PDE3A: variants seen among roughly 807,000 people sequenced by gnomAD.
PDE3A encodes the protein phosphodiesterase 3A, also known as cGMP-inhibited 3',5'-cyclic phosphodiesterase 3A.
In PDE3A, 43 loss-of-function variants were observed where a neutral mutation model predicts 98.3. The observed-to-expected ratio is 0.44, with a 90% CI of 0.34 to 0.56. PDE3A has a LOEUF of 0.56. Ranked by LOEUF, PDE3A falls within the 20% of genes least tolerant of loss-of-function variation. PDE3A has a pLI of 0.01. For synonymous variants in PDE3A, 663 were observed against 567.9 expected (o/e 1.17, Z -2.38); for missense variants, 1,427 against 1,440.7 (o/e 0.99, Z 0.15).
chr12:20,526,975 A>G (rs371111360), intron 1 of PDE3A, among the ~76,000 whole-genome samples: 3 of 147,952 alleles, frequency 2.0e-5, no homozygotes, highest in East Asian at 2.0e-4. Flanking sequence ...CTGGAGTGCA[A>G]TGGCGCGATC....
intron 1 of PDE3A, among the ~76,000 whole-genome samples, chr12:20,377,344 A>G (rs908623371): frequency 5.9e-5 from 9 of 151,858 alleles, no homozygotes; most frequent in Admixed American, 2.6e-4. Context: ...GCTTTATTTA[A>G]CCCAGCATAG....
intron 1 of PDE3A, among the ~76,000 whole-genome samples, chr12:20,402,121 A>C (rs189983233): frequency 6.6e-6 from 1 of 152,126 alleles, no homozygotes; most frequent in Non-Finnish European, 1.5e-5. Flanking sequence ...AACAGTAGGG[A>C]GCTAACAAGA....
rs1283706659 is a variant in PDE3A at position 20,687,730 on chromosome 12, TAA to T, written c.*7463_*7464del. Among the ~76,000 whole-genome samples, 3 of 151,836 alleles carry T rather than the reference TAA, an allele frequency of 2.0e-5. No homozygotes were observed. Among genetic ancestry groups the T allele is most frequent in the African/African-American group, 4.8e-5 (2 of 41,362 alleles). On this transcript the variant is annotated 3_prime_UTR_variant, in exon 16 of 16. Transcript: ENST00000359062. ...TTTGAAAGCTCTCAATGCAAAATAATAAAAATGAGATTCTCCCTGGCTTTCTA... is the reference window on the plus strand; with the variant it reads ...TTTGAAAGCTCTCAATGCAAAATAATAAATGAGATTCTCCCTGGCTTTCTA...
At chr12:20,604,534 C>G (rs1254357816) in intron 2 of PDE3A, among the ~76,000 whole-genome samples, 1 of 152,062 alleles carries the variant, frequency 6.6e-6, no homozygotes, top group East Asian at 1.9e-4. Context: ...CTTTCTAGCT[C>G]TTGTTCCAGG....
At chr12:20,581,546 A>T (rs1420379913) in intron 2 of PDE3A, among the ~76,000 whole-genome samples, 2 of 151,698 alleles carry the variant, frequency 1.3e-5, no homozygotes, top group African/African-American at 2.4e-5. Context: ...AACATTATAG[A>T]CGTTACGACT....
chr12:20,646,920 T>C lies in PDE3A; in HGVS notation c.2535T>C (p.Asn845=). 1 of 1,613,454 alleles carries C rather than the reference T, an allele frequency of 6.2e-7. No homozygotes were observed. The highest frequency in any genetic ancestry group is 1.1e-5 in the South Asian group (1 of 91,068). The change falls in exon 12 of 16, where the codon AAT becomes AAC. Residue 845 remains asparagine (N), a synonymous_variant. Transcript: ENST00000359062. ...ATTATGATCATCCAGGAAGGACTAA[T>C]GCTTTCCTGGTTGCAACTAGTGCTC... ...MHDYDHPGRT[N]AFLVATSAPQ...
chr12:20,465,676 T>C (rs1412562117), intron 1 of PDE3A, among the ~76,000 whole-genome samples: 1 of 152,278 alleles, frequency 6.6e-6, no homozygotes, highest in East Asian at 1.9e-4. Flanking sequence ...CCCAAAGTAC[T>C]GGGATTACAG....
intron 14 of PDE3A, among the ~76,000 whole-genome samples, chr12:20,653,597 T>C (rs1029536756): frequency 6.6e-6 from 1 of 152,106 alleles, no homozygotes; most frequent in Admixed American, 6.5e-5. Context: ...TTGCCCACTT[T>C]GGCATCCCAA....
chr12:20,628,157 CAAATA>C (rs1259000161), intron 5 of PDE3A, among the ~76,000 whole-genome samples: 2 of 152,092 alleles, frequency 1.3e-5, no homozygotes, highest in East Asian at 3.9e-4. Context: ...CTAGAGTTTC[CAAATA>C]AAATATTTCC....
rs1288237489 is a variant in PDE3A at position 20,629,843 on chromosome 12, TCAACAGTTG to T, written c.1541-61_1541-53del. ...GAGTTTGTAAGAGTCCAGGTGAAGT[TCAACAGTTG>T]CAATTTTGCATTTTAAAGACATTTG... On this transcript the variant is annotated intron_variant, in intron 5 of 15. Coordinates refer to ENST00000359062, the MANE Select transcript of PDE3A (RefSeq NM_000921.5). 6.4e-6 allele frequency: 8 copies of T among 1,253,510 alleles called. No homozygotes were observed. The African/African-American group carries it at 1.2e-4, about 19-fold the overall frequency. 77.6% of individuals were successfully genotyped at this position (1,253,510 alleles called of 1,614,324 possible). A position where few individuals can be genotyped will look rare whatever the true frequency, so the allele number is the denominator to read the frequency against.
intron 1 of PDE3A, among the ~76,000 whole-genome samples, chr12:20,458,925 T>G (rs2120917991): frequency 6.6e-6 from 1 of 152,236 alleles, no homozygotes; most frequent in Non-Finnish European, 1.5e-5. Flanking sequence ...ATGCTTATAG[T>G]TAAACCTTAA....
At chr12:20,537,706 C>T (rs1049834121) in intron 1 of PDE3A, among the ~76,000 whole-genome samples, 29 of 152,088 alleles carry the variant, frequency 1.9e-4, no homozygotes, top group East Asian at 3.9e-4. Context: ...ATGTCTAGCC[C>T]AGCATTTCCA....
chr12:20,597,975 T>C (rs1383572453), intron 2 of PDE3A, among the ~76,000 whole-genome samples: 1 of 152,182 alleles, frequency 6.6e-6, no homozygotes, highest in Non-Finnish European at 1.5e-5. Flanking sequence ...ATCATACTTA[T>C]GTTTTTTTTG....
chr12:20,505,555 C>A (rs1946102512), intron 1 of PDE3A, among the ~76,000 whole-genome samples: 1 of 152,008 alleles, frequency 6.6e-6, no homozygotes, highest in African/African-American at 2.4e-5. Context: ...TTGCACATTA[C>A]TGAAAAGAAC....
chr12:20,679,074 G>T (rs1022306695), intron 15 of PDE3A, among the ~76,000 whole-genome samples: 1 of 152,164 alleles, frequency 6.6e-6, no homozygotes, highest in African/African-American at 2.4e-5. Context: ...GAAGAATTCA[G>T]TGAAATCTGA....
chr12:20,528,959 GT>G (rs201902454), intron 1 of PDE3A, among the ~76,000 whole-genome samples: 1,766 of 152,118 alleles, frequency 0.012, 11 homozygotes, highest in Non-Finnish European at 0.018. Flanking sequence ...TTTTTTCCTG[GT>G]TTTTAGGTTT....
intron 2 of PDE3A, among the ~76,000 whole-genome samples, chr12:20,579,988 GA>G (rs1565437062): frequency 1.3e-5 from 2 of 151,936 alleles, no homozygotes; most frequent in East Asian, 1.9e-4. Context: ...AAAACTTTAG[GA>G]AAAAAACCTA....
At chr12:20,507,237 C>T (rs1314149586) in intron 1 of PDE3A, among the ~76,000 whole-genome samples, 1 of 151,924 alleles carries the variant, frequency 6.6e-6, no homozygotes, top group African/African-American at 2.4e-5. Flanking sequence ...CAAGTTCTGC[C>T]TCTTCTAAAA....
At chr12:20,458,930 C>A (rs1030801810) in intron 1 of PDE3A, among the ~76,000 whole-genome samples, 2 of 151,992 alleles carry the variant, frequency 1.3e-5, no homozygotes, top group African/African-American at 4.8e-5. Flanking sequence ...TATAGTTAAA[C>A]CTTAAGAAGG....
Sources: gnomAD v4.1 joint callset for allele counts (sites outside exome capture counted in the v4.1 genomes callset) on GRCh38, gnomAD v4.1.1 for gene constraint, MANE v1.5 for transcripts, NCBI Gene and HGNC (gene_info 2026-07-23, HGNC 2026-07-21) for gene names.